The following SEMA3A variants were observed in gnomAD, a reference collection of about 807,000 sequenced individuals.
SEMA3A encodes the protein semaphorin 3A, also known as semaphorin-3A.
SEMA3A carries 29 observed loss-of-function variants against 97.9 expected under a neutral mutation model. That is an observed-to-expected ratio of 0.30 (90% CI 0.22 to 0.40). SEMA3A has a LOEUF of 0.40. Ranked by LOEUF, SEMA3A falls within the 10% of genes least tolerant of loss-of-function variation. The pLI is 1.00. For missense variants in SEMA3A, 763 were observed against 951.3 expected, an observed-to-expected ratio of 0.80 and a Z score of 2.60; for synonymous variants, 321 against 323.7, an observed-to-expected ratio of 0.99 and a Z score of 0.09.
chr7:84,403,468 G>A (rs1803966310), intron 1 of SEMA3A, among the ~76,000 whole-genome samples: 2 of 152,298 alleles, frequency 1.3e-5, no homozygotes, highest in Non-Finnish European at 2.9e-5. Context: ...CACCTCTGGG[G>A]GCAGGGCACA....
intron 12 of SEMA3A, among the ~76,000 whole-genome samples, chr7:83,996,387 C>T (rs886615322): frequency 1.3e-4 from 19 of 150,514 alleles, no homozygotes; most frequent in African/African-American, 4.4e-4. Context: ...ACTGAAACCT[C>T]CACTTCCCAG....
intron 5 of SEMA3A, among the ~76,000 whole-genome samples, chr7:84,058,340 G>T (rs1793077563): frequency 6.6e-6 from 1 of 152,172 alleles, no homozygotes; most frequent in Non-Finnish European, 1.5e-5. Context: ...ACCCTTGTAT[G>T]TAAAAGAGTT....
intron 3 of SEMA3A, among the ~76,000 whole-genome samples, chr7:84,114,765 T>C (rs796390010): frequency 2.2e-4 from 34 of 152,210 alleles, no homozygotes; most frequent in African/African-American, 7.9e-4. Flanking sequence ...GGCAATAATG[T>C]TTAGTCTTTT....
intron 1 of SEMA3A, among the ~76,000 whole-genome samples, chr7:84,138,626 A>T (rs912357481): frequency 6.6e-6 from 1 of 152,066 alleles, no homozygotes; most frequent in Non-Finnish European, 1.5e-5. Flanking sequence ...TTGATTTTTT[A>T]AAAAAGACAA....
chr7:84,281,729 G>A (rs1457233818), intron 3 of SEMA3A, among the ~76,000 whole-genome samples: 1 of 152,122 alleles, frequency 6.6e-6, no homozygotes, highest in Non-Finnish European at 1.5e-5. Flanking sequence ...CTCATTAACT[G>A]TGCAATCTTG....
rs62473890 is a variant in SEMA3A, at chr7:83,959,796, G to A, written c.*1575C>T. ...GGGGAGGAGTCCTGAATAGGTGAGT[G>A]CAGTGCAAAAGAAACCACAGTATAA... On this transcript the variant is annotated 3_prime_UTR_variant, in exon 17 of 17. Coordinates refer to ENST00000265362, the MANE Select transcript of SEMA3A (RefSeq NM_006080.3). 0.099 allele frequency: 15,132 copies of A among 152,082 alleles called. 918 individuals are homozygous for A. Among genetic ancestry groups the A allele is most frequent in the Non-Finnish European group, 0.14 (9,241 of 67,884 alleles). 9.4% of individuals were successfully genotyped at this position (152,082 alleles called of 1,614,324 possible). A position where few individuals can be genotyped will look rare whatever the true frequency, so the allele number is the denominator to read the frequency against.
Position 84,159,105 on chromosome 7 carries a change from C to T in SEMA3A, c.113-24154G>A, listed in dbSNP as rs117521755. 3.6e-3 allele frequency among the ~76,000 whole-genome samples: 550 copies of T among 151,900 alleles called. 3 individuals are homozygous for T. Among genetic ancestry groups the T allele is most frequent in the Non-Finnish European group, 6.7e-3 (455 of 67,940 alleles). On this transcript the variant is annotated intron_variant, in intron 1 of 16. Coordinates refer to ENST00000265362, the MANE Select transcript of SEMA3A (RefSeq NM_006080.3). ...ATTATCATTAACTCAGAAGGTTTAACGTTTTTCATTTTTTTTTAAAGAAAG... is the reference window on the plus strand; with the variant it reads ...ATTATCATTAACTCAGAAGGTTTAATGTTTTTCATTTTTTTTTAAAGAAAG...
intron 3 of SEMA3A, among the ~76,000 whole-genome samples, chr7:84,116,095 T>A (rs2115964261): frequency 6.6e-6 from 1 of 152,288 alleles, no homozygotes; most frequent in Admixed American, 6.5e-5. Flanking sequence ...GAATGCTTGA[T>A]TTCATTCACA....
intron 6 of SEMA3A, among the ~76,000 whole-genome samples, chr7:84,036,478 A>T (rs531190847): frequency 6.6e-6 from 1 of 152,082 alleles, no homozygotes; most frequent in Non-Finnish European, 1.5e-5. Flanking sequence ...TTCTGGGAGG[A>T]CTTATATCAG....
intron 4 of SEMA3A, among the ~76,000 whole-genome samples, chr7:84,088,979 T>C (rs1794478177): frequency 6.6e-6 from 1 of 151,976 alleles, no homozygotes; most frequent in Admixed American, 6.6e-5. Flanking sequence ...GCAAAGTTAT[T>C]TTCTTAACTT....
At chr7:84,468,473 A>T (rs1322035509) in intron 1 of SEMA3A, among the ~76,000 whole-genome samples, 1 of 152,206 alleles carries the variant, frequency 6.6e-6, no homozygotes, top group African/African-American at 2.4e-5. Flanking sequence ...GATGCCATAA[A>T]GTTTTGATCT....
upstream of SEMA3A, among the ~76,000 whole-genome samples, chr7:84,196,389 C>T (rs1384610351): frequency 2.6e-5 from 4 of 151,962 alleles, no homozygotes; most frequent in African/African-American, 9.7e-5. Context: ...CTCTGTCTCT[C>T]CCTCTCTGCC....
chr7:84,000,410 C>A (rs1289413802), intron 12 of SEMA3A, among the ~76,000 whole-genome samples: 3 of 152,056 alleles, frequency 2.0e-5, no homozygotes, highest in Non-Finnish European at 4.4e-5. Context: ...ATTTTATTAT[C>A]TTGAAGACTT....
intron 1 of SEMA3A, among the ~76,000 whole-genome samples, chr7:84,399,647 A>T (rs1803844122): frequency 6.6e-6 from 1 of 152,198 alleles, no homozygotes; most frequent in African/African-American, 2.4e-5. Context: ...TTACTAGGTC[A>T]TTGCTTCTAG....
At chr7:84,491,237 G>A (rs1001853736) in intron 1 of SEMA3A, among the ~76,000 whole-genome samples, 18 of 152,056 alleles carry the variant, frequency 1.2e-4, no homozygotes, top group Non-Finnish European at 2.5e-4. Context: ...TTTAAACAGT[G>A]CAATACTGTT....
At chr7:84,281,978 A>T (rs150016673) in intron 3 of SEMA3A, among the ~76,000 whole-genome samples, 1 of 152,270 alleles carries the variant, frequency 6.6e-6, no homozygotes, top group Non-Finnish European at 1.5e-5. Flanking sequence ...ATTGCCATTT[A>T]TCTGCTACCC....
intron 2 of SEMA3A, among the ~76,000 whole-genome samples, chr7:84,327,934 GT>G (rs1400753956): frequency 6.6e-6 from 1 of 151,908 alleles, no homozygotes; most frequent in Non-Finnish European, 1.5e-5. Context: ...ACAATATAAT[GT>G]AATATTTGCA....
chr7:83,990,162 G>A (rs1584512895), intron 12 of SEMA3A, among the ~76,000 whole-genome samples: 1 of 151,612 alleles, frequency 6.6e-6, no homozygotes, highest in Non-Finnish European at 1.5e-5. Context: ...TTTTGATGGG[G>A]TTGTTTGTTT....
chr7:83,996,461 C>G (rs1225618434), intron 12 of SEMA3A, among the ~76,000 whole-genome samples: 1 of 151,964 alleles, frequency 6.6e-6, no homozygotes, highest in Admixed American at 6.6e-5. Context: ...TGCCACCACG[C>G]CAGGCTAATT....
Sources: gnomAD v4.1 joint callset for allele counts (sites outside exome capture counted in the v4.1 genomes callset) on GRCh38, gnomAD v4.1.1 for gene constraint, MANE v1.5 for transcripts, NCBI Gene and HGNC (gene_info 2026-07-23, HGNC 2026-07-21) for gene names.